The following FLACC1 variants were observed in gnomAD, a reference collection of about 807,000 sequenced individuals.
FLACC1 encodes the protein flagellum-associated coiled-coil domain-containing protein 1.
Under a neutral mutation model 62.8 loss-of-function variants are expected in FLACC1, and 66 were observed. That is an observed-to-expected ratio of 1.05 (90% CI 0.86 to 1.29). The LOEUF (loss-of-function observed/expected upper bound fraction) is 1.29. Ranked by LOEUF, FLACC1 falls within the 50% of genes most tolerant of loss-of-function variation. FLACC1 has a pLI of 0.00. For synonymous variants in FLACC1, 156 were observed against 161.0 expected (o/e 0.97, Z 0.24); for missense variants, 452 against 489.1 (o/e 0.92, Z 0.71).
At chr2:201,350,673 T>C in intron 3 of FLACC1, 38 bp downstream of exon 3, 4 of 519,980 alleles carry the variant, frequency 7.7e-6, no homozygotes, top group Non-Finnish European at 1.3e-5. Context: ...AGAGTGAGAC[T>C]CCATCTCAAA....
Position 201,295,578 on chromosome 2 carries a change from T to C in FLACC1, c.942+3660A>G, listed in dbSNP as rs1949841537. On this transcript the variant is annotated intron_variant, in intron 12 of 14. Coordinates refer to ENST00000392257, the MANE Select transcript of FLACC1 (RefSeq NM_001127391.3). The stretch of plus-strand genomic sequence containing the variant: ...AAACCCTAGAAGAAAATCTAGGCAA[T>C]ACCATTCAGGACATAGGCATGGGCA... Among the ~76,000 whole-genome samples, 5 of 152,240 alleles carry C rather than the reference T, an allele frequency of 3.3e-5. No homozygotes were observed. In the South Asian group the frequency reaches 1.0e-3, roughly 32 times the overall value.
At chr2:201,288,886 A>C in intron 14 of FLACC1, 105 bp from the exon 15 acceptor site, 1 of 1,326,314 alleles carries the variant, frequency 7.5e-7, no homozygotes, top group East Asian at 2.4e-5. Context: ...CCTTCACCAC[A>C]GCAGTCTCTC....
chr2:201,348,543 C>A (rs1457383191), intron 3 of FLACC1, among the ~76,000 whole-genome samples: 2 of 152,088 alleles, frequency 1.3e-5, no homozygotes, highest in Non-Finnish European at 2.9e-5. Flanking sequence ...GTTGGGGCAA[C>A]TTCTGTTTTG....
intron 11 of FLACC1, among the ~76,000 whole-genome samples, chr2:201,300,489 T>C (rs1445083630): frequency 6.6e-6 from 1 of 152,112 alleles, no homozygotes; most frequent in Non-Finnish European, 1.5e-5. Flanking sequence ...TAGATTCCAC[T>C]TCTGGGGGCA....
chr2:201,301,029 A>G (rs956922648), intron 11 of FLACC1, among the ~76,000 whole-genome samples: 2 of 152,214 alleles, frequency 1.3e-5, no homozygotes, highest in African/African-American at 4.8e-5. Context: ...TTCTCCTCCA[A>G]AGGAATGCAG....
At chr2:201,303,223 C>T (rs540113651) in intron 11 of FLACC1, among the ~76,000 whole-genome samples, 20 of 151,820 alleles carry the variant, frequency 1.3e-4, no homozygotes, top group South Asian at 4.2e-4. Context: ...ATCAAATAGA[C>T]GCAATAAAAA....
rs922142385 is a variant in FLACC1, at chr2:201,326,398, T to C, written c.675+4072A>G. Among the ~76,000 whole-genome samples the C allele has an allele frequency of 8.5e-5, 13 of 152,206 alleles. No homozygotes were observed. Among genetic ancestry groups the C allele is most frequent in the African/African-American group, 3.1e-4 (13 of 41,458 alleles). ...TCAAACTATTGCTGTTTGAAGATTA[T>C]ATAATTGTATACCTAGAAAATCCTA... On this transcript the variant is annotated intron_variant, in intron 9 of 14. Coordinates refer to ENST00000392257, the MANE Select transcript of FLACC1 (RefSeq NM_001127391.3). The surrounding 1 kb of genome is among the most constrained non-coding windows in gnomAD (Gnocchi z 4.1).
chr2:201,361,537 A>C (rs1193090311), upstream of FLACC1, among the ~76,000 whole-genome samples: 1 of 152,240 alleles, frequency 6.6e-6, no homozygotes, highest in Non-Finnish European at 1.5e-5. Context: ...ATGGTGGCTG[A>C]AGAACATTGT....
chr2:201,342,564 C>G (rs915896146), intron 6 of FLACC1, 133 bp from the exon 7 acceptor site: 19 of 777,836 alleles, frequency 2.4e-5, no homozygotes, highest in Non-Finnish European at 3.9e-5. Flanking sequence ...CCCTTCCCAC[C>G]CCTCTTCCAC....
chr2:201,362,423 T>C, the FLACC1 span, among the ~76,000 whole-genome samples: 5 of 152,168 alleles, frequency 3.3e-5, no homozygotes, highest in South Asian at 1.0e-3. Flanking sequence ...AGATCATCTC[T>C]GTGGGTTTTT....
At chr2:201,333,201 C>T (rs1184584020) in intron 7 of FLACC1, among the ~76,000 whole-genome samples, 2 of 152,176 alleles carry the variant, frequency 1.3e-5, no homozygotes, top group East Asian at 1.9e-4. Context: ...CTTTTCTCCA[C>T]ATCTTCAACA....
At chr2:201,306,793 A>C (rs1209486300) in intron 11 of FLACC1, among the ~76,000 whole-genome samples, 1 of 152,156 alleles carries the variant, frequency 6.6e-6, no homozygotes, top group African/African-American at 2.4e-5. Flanking sequence ...TGGCAAAAAA[A>C]ACTTGTATCC....
At chr2:201,305,932 T>C (rs10200279) in intron 11 of FLACC1, among the ~76,000 whole-genome samples, 102,108 of 140,242 alleles carry the variant, frequency 0.73, 36,765 homozygotes, top group South Asian at 0.83. Flanking sequence ...CAGGGCCAGT[T>C]GTGGGGTGGG....
intron 9 of FLACC1, among the ~76,000 whole-genome samples, chr2:201,314,064 C>T (rs1950266067): frequency 6.6e-6 from 1 of 152,154 alleles, no homozygotes; most frequent in African/African-American, 2.4e-5. Flanking sequence ...ATCTGAACAA[C>T]AGCCTTGAGC....
At chr2:201,335,439 C>CT (rs1000808828) in intron 7 of FLACC1, among the ~76,000 whole-genome samples, 12 of 152,002 alleles carry the variant, frequency 7.9e-5, no homozygotes, top group African/African-American at 2.4e-4. Context: ...AAAAGGCTAT[C>CT]TTTTTTCCCA....
chr2:201,312,872 C>T (rs1428060813), intron 9 of FLACC1, among the ~76,000 whole-genome samples: 1 of 152,174 alleles, frequency 6.6e-6, no homozygotes, highest in African/African-American at 2.4e-5. Context: ...CCGGGAGATG[C>T]CCCAAATACT....
At chr2:201,334,644 G>A (rs1215835250) in intron 7 of FLACC1, among the ~76,000 whole-genome samples, 1 of 151,976 alleles carries the variant, frequency 6.6e-6, no homozygotes, top group African/African-American at 2.4e-5. Context: ...TTAGCCAGGC[G>A]TGGTGGTGCA....
At chr2:201,295,371 T>C (rs1385272297) in intron 12 of FLACC1, among the ~76,000 whole-genome samples, 4 of 152,126 alleles carry the variant, frequency 2.6e-5, no homozygotes, top group Non-Finnish European at 4.4e-5. Context: ...ATCTACACTA[T>C]CTGATCTTTG....
intron 9 of FLACC1, among the ~76,000 whole-genome samples, chr2:201,317,273 A>G (rs1197655947): frequency 6.6e-6 from 1 of 152,234 alleles, no homozygotes; most frequent in African/African-American, 2.4e-5. Flanking sequence ...CTGTTTGCTG[A>G]TGATATAATT....
Sources: allele counts gnomAD v4.1 joint callset (sites outside exome capture counted in the v4.1 genomes callset), GRCh38; gene constraint gnomAD v4.1.1; non-coding constraint Gnocchi (gnomAD v3.1); transcripts MANE v1.5; gene names NCBI Gene and HGNC (gene_info 2026-07-23, HGNC 2026-07-21).